LMBRD1: variants seen among roughly 807,000 people sequenced by gnomAD.
LMBRD1 encodes the protein lysosomal cobalamin transport escort protein LMBD1.
Under a neutral mutation model 74.8 loss-of-function variants are expected in LMBRD1, and 64 were observed. The ratio of observed to expected loss-of-function variants is 0.86; its 90% CI spans 0.70 to 1.05. The LOEUF (loss-of-function observed/expected upper bound fraction) is 1.05. Ranked by LOEUF, LMBRD1 falls within the 50% of genes least tolerant of loss-of-function variation. The probability of loss-of-function intolerance (pLI) is 0.00; values close to 1 mark genes in which losing one functional copy is unlikely to be tolerated. For missense variants in LMBRD1, 652 were observed against 645.9 expected (o/e 1.01, Z -0.10); for synonymous variants, 204 against 216.3 (o/e 0.94, Z 0.50).
intron 14 of LMBRD1, among the ~76,000 whole-genome samples, chr6:69,690,710 T>C (rs770834860): frequency 6.6e-6 from 1 of 152,180 alleles, no homozygotes; most frequent in Admixed American, 6.5e-5. Context: ...ATTTATTGCA[T>C]GCCGTTATCA....
At chr6:69,774,948 TGGAAGGAAGGAAGGAAGGAA>T (rs1157907347) in intron 3 of LMBRD1, among the ~76,000 whole-genome samples, 15 of 38,830 alleles carry the variant, frequency 3.9e-4, no homozygotes, top group African/African-American at 1.7e-3. Flanking sequence ...TACAGTGAGA[TGGAAGGAAGGAAGGAAGGAA>T]GGAAGGAAGG....
At chr6:69,779,079 G>A (rs572188143) in intron 3 of LMBRD1, among the ~76,000 whole-genome samples, 13 of 151,660 alleles carry the variant, frequency 8.6e-5, no homozygotes, top group African/African-American at 2.9e-4. Flanking sequence ...CCAGCTACTC[G>A]GGAGGCTGAG....
intron 3 of LMBRD1, among the ~76,000 whole-genome samples, chr6:69,766,984 A>G (rs543676866): frequency 6.6e-6 from 1 of 151,776 alleles, no homozygotes; most frequent in East Asian, 1.9e-4. Flanking sequence ...ACTTCATCTA[A>G]TTTATTGGTA....
At chr6:69,704,497 G>C (rs1417970065) in intron 9 of LMBRD1, among the ~76,000 whole-genome samples, 1 of 151,732 alleles carries the variant, frequency 6.6e-6, no homozygotes. Context: ...TTAGGCAATA[G>C]GAGCCCCTAC....
rs552847670 is a variant in LMBRD1 at position 69,796,850 on chromosome 6, A to T, written c.32T>A (p.Leu11Gln). Residue 11 changes from leucine to glutamine, a missense_variant, in exon 1 of 16, where the codon CTG (leucine) becomes CAG (glutamine). This residue lies in a region of LMBRD1 where 598 missense variants were observed against 581.8 expected (regional missense o/e 1.03). Transcript: ENST00000649934. Reference protein sequence around the residue: MATSGAASAELVIGWCIFGLL... With the variant: MATSGAASAEQVIGWCIFGLL... Reference sequence around the variant, plus strand: ...GCCGAATATGCACCAGCCGATCACCAGCTCCGCCGAGGCCGCGCCAGAAGT... The same window carrying T: ...GCCGAATATGCACCAGCCGATCACCTGCTCCGCCGAGGCCGCGCCAGAAGT... 1.2e-6 allele frequency: 2 copies of T among 1,613,742 alleles called. No individual in the cohort carries two copies. Among genetic ancestry groups the T allele is most frequent in the South Asian group, 1.1e-5 (1 of 91,068 alleles).
intron 9 of LMBRD1, chr6:69,705,906 T>C: frequency 7.7e-7 from 1 of 1,297,556 alleles, no homozygotes; most frequent in Non-Finnish European, 1.1e-6. Flanking sequence ...GGAAAATTGT[T>C]GGCTGTACAG....
chr6:69,741,459 C>T (rs1186097870), intron 6 of LMBRD1, among the ~76,000 whole-genome samples: 2 of 151,220 alleles, frequency 1.3e-5, no homozygotes, highest in Admixed American at 6.6e-5. Flanking sequence ...CAATTCAGCT[C>T]ACTGCAACCT....
chr6:69,773,075 G>A (rs1765608587), intron 3 of LMBRD1, among the ~76,000 whole-genome samples: 2 of 152,100 alleles, frequency 1.3e-5, no homozygotes, highest in South Asian at 4.1e-4. Context: ...TAGATTCTAG[G>A]AGTTGTAAAC....
chr6:69,747,431 C>T (rs75919065), intron 5 of LMBRD1, among the ~76,000 whole-genome samples: 8 of 152,288 alleles, frequency 5.3e-5, no homozygotes, highest in African/African-American at 1.7e-4. Context: ...TTTAAGCCAC[C>T]CAGTCTATGA....
chr6:69,764,189 G>A (rs967989427), intron 3 of LMBRD1, among the ~76,000 whole-genome samples: 9 of 152,158 alleles, frequency 5.9e-5, no homozygotes, highest in African/African-American at 1.2e-4. Context: ...AAGCCCTAAC[G>A]CCAATGTGAT....
At chr6:69,738,498 A>G (rs919981294) in intron 6 of LMBRD1, among the ~76,000 whole-genome samples, 1 of 152,130 alleles carries the variant, frequency 6.6e-6, no homozygotes, top group African/African-American at 2.4e-5. Flanking sequence ...AAAAACTAAA[A>G]TCTTAATTAA....
chr6:69,790,256 T>C lies in LMBRD1; in HGVS notation c.246+40A>G, dbSNP rs867383092. The C allele has an allele frequency of 1.9e-5, 27 of 1,437,154 alleles. No homozygotes were observed. In the Middle Eastern group the frequency reaches 3.3e-3, roughly 178 times the overall value. The allele number at this position is 1,437,154 out of a possible 1,614,324, so 89.0% of individuals were successfully genotyped here. ...TCGGACTGCCAAGTGTGCCAGAAAT[T>C]TGAAAGGAAAAAAAATCTGCAAAGT... On this transcript the variant is annotated intron_variant, in intron 2 of 15. Coordinates refer to ENST00000649934, the MANE Select transcript of LMBRD1 (RefSeq NM_018368.4).
intron 1 of LMBRD1, 161 bp from the exon 2 acceptor site, chr6:69,790,633 TAATTTTCAAAGCCTAC>T (rs1256064401): frequency 1.5e-6 from 1 of 682,308 alleles, no homozygotes; most frequent in African/African-American, 1.8e-5. Context: ...CCAAGATGTA[TAATTTTCAAAGCCTAC>T]TTCATGAATG....
chr6:69,783,700 A>C (rs1043949830), intron 2 of LMBRD1, among the ~76,000 whole-genome samples: 1 of 152,166 alleles, frequency 6.6e-6, no homozygotes, highest in East Asian at 1.9e-4. Context: ...ATTAAGAACA[A>C]TGTATCAATG....
chr6:69,779,028 A>C (rs1425216318), intron 3 of LMBRD1, among the ~76,000 whole-genome samples: 3 of 152,022 alleles, frequency 2.0e-5, no homozygotes, highest in Non-Finnish European at 4.4e-5. Flanking sequence ...TCTGCTAAAA[A>C]TACAAAAATT....
intron 14 of LMBRD1, among the ~76,000 whole-genome samples, chr6:69,696,474 T>G (rs1181007572): frequency 1.3e-5 from 2 of 152,200 alleles, no homozygotes; most frequent in Admixed American, 1.3e-4. Flanking sequence ...AAGCCTTTTA[T>G]GATATGACTC....
rs1226479430 is a variant in LMBRD1 at position 69,775,097 on chromosome 6, T to TA, written c.307+5396dup. On this transcript the variant is annotated intron_variant, in intron 3 of 15. Coordinates refer to ENST00000649934, the MANE Select transcript of LMBRD1 (RefSeq NM_018368.4). Reference sequence around the variant, plus strand: ...AAAAGAAATAAAAGGTACAAATCCTTAAAGTTTCTGGGGCGGGCATAACCT... The same window carrying TA: ...AAAAGAAATAAAAGGTACAAATCCTTAAAAGTTTCTGGGGCGGGCATAACCT... Among the ~76,000 whole-genome samples, 10 of 151,382 alleles carry TA rather than the reference T, an allele frequency of 6.6e-5. No homozygotes were observed. The East Asian group carries it at 2.0e-3, about 30-fold the overall frequency.
chr6:69,713,831 A>G (rs1225530252), intron 8 of LMBRD1, 34 bp from the exon 9 acceptor site: 2 of 1,611,590 alleles, frequency 1.2e-6, no homozygotes, highest in African/African-American at 1.3e-5. Flanking sequence ...AAGTTTTACC[A>G]TTAACATCTT....
At chr6:69,743,399 G>C (rs1767149228) in intron 5 of LMBRD1, among the ~76,000 whole-genome samples, 1 of 152,166 alleles carries the variant, frequency 6.6e-6, no homozygotes, top group African/African-American at 2.4e-5. Flanking sequence ...ATATTGTACA[G>C]AAAGAGACTA....
Sources: allele counts gnomAD v4.1 joint callset (sites outside exome capture counted in the v4.1 genomes callset), GRCh38; gene constraint gnomAD v4.1.1; regional missense constraint gnomAD v4.1.1; transcripts MANE v1.5; gene names NCBI Gene and HGNC (gene_info 2026-07-23, HGNC 2026-07-21).